RAB27B: variants seen among roughly 807,000 people sequenced by gnomAD.
RAB27B encodes RAB27B, member RAS oncogene family, also known as ras-related protein Rab-27B.
A neutral mutation model predicts 24.6 loss-of-function variants in RAB27B; 15 were observed. That is an observed-to-expected ratio of 0.61 (90% CI 0.41 to 0.94). The LOEUF (loss-of-function observed/expected upper bound fraction) is 0.94. Among genes scored for constraint, RAB27B ranks in the 40% least tolerant of loss-of-function variants. The pLI is 0.00. For missense variants in RAB27B, 261 were observed against 266.8 expected, an observed-to-expected ratio of 0.98 and a Z score of 0.15; for synonymous variants, 105 against 92.5, an observed-to-expected ratio of 1.14 and a Z score of -0.78.
intron 2 of RAB27B, among the ~76,000 whole-genome samples, chr18:54,735,404 C>G (rs1909857717): frequency 6.6e-6 from 1 of 152,186 alleles, no homozygotes; most frequent in Non-Finnish European, 1.5e-5. Flanking sequence ...CACTGTACAT[C>G]ACAGAAATTT....
At position 54,884,300 on chromosome 18, in the gene RAB27B, C is replaced by G. The variant is rs760348586; in HGVS notation, c.240-33C>G. 4 of 1,356,924 alleles carry G rather than the reference C, an allele frequency of 2.9e-6. No individual in the cohort carries two copies. In the South Asian group the frequency reaches 4.7e-5, roughly 16 times the overall value. The allele number at this position is 1,356,924 out of a possible 1,614,324, so 84.1% of individuals were successfully genotyped here. A position where few individuals can be genotyped will look rare whatever the true frequency, so the allele number is the denominator to read the frequency against. ...TTGTTGTCAAAGATATGTGGACTAA[C>G]TTTCAGAACTACCCACTGTGTTTCC... On this transcript the variant is annotated intron_variant, in intron 3 of 5. Transcript: ENST00000262094.
intron 2 of RAB27B, among the ~76,000 whole-genome samples, chr18:54,763,167 A>G (rs1782297503): frequency 6.6e-6 from 1 of 152,156 alleles, no homozygotes; most frequent in Non-Finnish European, 1.5e-5. Flanking sequence ...AATATAGACA[A>G]AAAGCAGTAA....
rs893771956 is a variant in RAB27B at position 54,724,950 on chromosome 18, A to C, written c.-20+6809A>C. Among the ~76,000 whole-genome samples, 5 of 151,618 alleles carry C rather than the reference A, an allele frequency of 3.3e-5. 1 individual carries two copies. Among genetic ancestry groups the C allele is most frequent in the Non-Finnish European group, 5.9e-5 (4 of 67,818 alleles). On this transcript the variant is annotated intron_variant, in intron 2 of 4. Coordinates refer to the RAB27B transcript ENST00000586570. ...TTGTTAACAATTTGAATGCTATTAC[A>C]TGAAAGAGGAATGAGACTTGTACTT...
chr18:54,797,577 A>G (rs879455759), intron 2 of RAB27B, among the ~76,000 whole-genome samples: 25 of 152,346 alleles, frequency 1.6e-4, no homozygotes, highest in Non-Finnish European at 3.2e-4. Flanking sequence ...AGAATAGTCT[A>G]GTCTAAAGAA....
chr18:54,778,635 C>T (rs891614348), intron 2 of RAB27B, among the ~76,000 whole-genome samples: 1 of 152,068 alleles, frequency 6.6e-6, no homozygotes, highest in Non-Finnish European at 1.5e-5. Context: ...AAATTGAAGC[C>T]ATAAATGATT....
intron 1 of RAB27B, among the ~76,000 whole-genome samples, chr18:54,861,714 T>C (rs1912016725): frequency 6.6e-6 from 1 of 152,176 alleles, no homozygotes. Flanking sequence ...CACATGCTTT[T>C]GTCATATCAG....
At chr18:54,730,796 C>T (rs984278635) in intron 2 of RAB27B, among the ~76,000 whole-genome samples, 2 of 152,098 alleles carry the variant, frequency 1.3e-5, no homozygotes, top group Non-Finnish European at 2.9e-5. Context: ...CCTCTACCTC[C>T]TACACAACCA....
intron 1 of RAB27B, among the ~76,000 whole-genome samples, chr18:54,830,501 T>C (rs980468974): frequency 2.6e-5 from 4 of 152,200 alleles, no homozygotes; most frequent in African/African-American, 9.7e-5. Context: ...AGCAAGTAAT[T>C]GTAATGTTGA....
At chr18:54,740,840 CGATA>C (rs1910049229) in intron 2 of RAB27B, among the ~76,000 whole-genome samples, 1 of 151,798 alleles carries the variant, frequency 6.6e-6, no homozygotes, top group African/African-American at 2.4e-5. Context: ...GATGATAGAT[CGATA>C]GATAGATAAT....
chr18:54,884,468 C>A, intron 4 of RAB27B, 32 bp downstream of exon 4: 1 of 1,423,830 alleles, frequency 7.0e-7, no homozygotes, highest in Non-Finnish European at 9.9e-7. Flanking sequence ...GCATTGGCCG[C>A]TTTGGGACTC....
At chr18:54,812,775 A>G (rs961410510) in intron 2 of RAB27B, among the ~76,000 whole-genome samples, 2 of 152,218 alleles carry the variant, frequency 1.3e-5, no homozygotes, top group Non-Finnish European at 2.9e-5. Context: ...AGAATAATTT[A>G]AATCGTAGTG....
At chr18:54,830,687 A>G (rs565937687) in intron 1 of RAB27B, among the ~76,000 whole-genome samples, 30 of 152,296 alleles carry the variant, frequency 2.0e-4, no homozygotes, top group African/African-American at 6.3e-4. Flanking sequence ...CAACATCACT[A>G]TGCATAATAA....
intron 1 of RAB27B, among the ~76,000 whole-genome samples, chr18:54,848,945 A>C (rs1182879696): frequency 1.3e-5 from 2 of 152,222 alleles, no homozygotes; most frequent in Non-Finnish European, 2.9e-5. Context: ...AATAAGAAAT[A>C]GAATATTCAA....
chr18:54,833,684 G>C (rs1023856048), intron 1 of RAB27B, among the ~76,000 whole-genome samples: 3 of 152,200 alleles, frequency 2.0e-5, no homozygotes, highest in African/African-American at 7.2e-5. Context: ...GTTGTCAAGA[G>C]GACCTCTGTG....
intron 2 of RAB27B, among the ~76,000 whole-genome samples, chr18:54,814,450 G>A (rs1910061877): frequency 6.6e-6 from 1 of 152,140 alleles, no homozygotes; most frequent in South Asian, 2.1e-4. Flanking sequence ...ATGTGTTGTT[G>A]TGTTGTTTCT....
intron 2 of RAB27B, among the ~76,000 whole-genome samples, chr18:54,810,250 G>T (rs1000117813): frequency 6.6e-6 from 1 of 152,060 alleles, no homozygotes; most frequent in Admixed American, 6.5e-5. Context: ...TCACAGTGAG[G>T]CCTGTCATTT....
At chr18:54,865,559 G>A (rs1052888304) in intron 1 of RAB27B, among the ~76,000 whole-genome samples, 1 of 152,158 alleles carries the variant, frequency 6.6e-6, no homozygotes, top group Non-Finnish European at 1.5e-5. Flanking sequence ...AATTGGACAA[G>A]GAGCCAAATT....
At chr18:54,733,659 C>CG (rs1341317570) in intron 2 of RAB27B, among the ~76,000 whole-genome samples, 1 of 138,210 alleles carries the variant, frequency 7.2e-6, no homozygotes, top group Non-Finnish European at 1.6e-5. Context: ...AGCCCCCCCC[C>CG]CCCAAATTTG....
intron 2 of RAB27B, among the ~76,000 whole-genome samples, chr18:54,747,578 C>A (rs1910291900): frequency 6.6e-6 from 1 of 152,098 alleles, no homozygotes; most frequent in Non-Finnish European, 1.5e-5. Context: ...TAAACAAAAT[C>A]TGAATAATAG....
Sources: allele counts gnomAD v4.1 joint callset (sites outside exome capture counted in the v4.1 genomes callset), GRCh38; gene constraint gnomAD v4.1.1; transcripts MANE v1.5; gene names NCBI Gene and HGNC (gene_info 2026-07-23, HGNC 2026-07-21).